LRRC37A3: variants seen among roughly 807,000 people sequenced by gnomAD.
LRRC37A3 encodes the protein leucine rich repeat containing 37 member A3.
A neutral mutation model predicts 106.2 loss-of-function variants in LRRC37A3; 25 were observed. The ratio of observed to expected loss-of-function variants is 0.24; its 90% CI spans 0.17 to 0.33. The LOEUF (loss-of-function observed/expected upper bound fraction) is 0.33, where lower values mean the gene tolerates loss of function less well. Among genes scored for constraint, LRRC37A3 ranks in the 10% least tolerant of loss-of-function variants. The probability of loss-of-function intolerance (pLI) is 1.00; values close to 1 mark genes in which losing one functional copy is unlikely to be tolerated. For synonymous variants in LRRC37A3, 305 were observed against 635.8 expected, an observed-to-expected ratio of 0.48 and a Z score of 7.83; for missense variants, 712 against 1,644.9, an observed-to-expected ratio of 0.43 and a Z score of 9.81.
chr17:64,877,797 G>A (rs748761099), intron 8 of LRRC37A3, among the ~76,000 whole-genome samples: 10 of 152,208 alleles, frequency 6.6e-5, no homozygotes, highest in Non-Finnish European at 1.2e-4. Context: ...ATACTGGAAT[G>A]TGGACAGACA....
chr17:64,875,556 A>G (rs1973482725), intron 8 of LRRC37A3, among the ~76,000 whole-genome samples: 1 of 152,194 alleles, frequency 6.6e-6, no homozygotes, highest in Non-Finnish European at 1.5e-5. Context: ...TGGGAGGCTG[A>G]GGCTGGAGGA....
At chr17:64,883,547 C>G (rs1443853788) in intron 8 of LRRC37A3, among the ~76,000 whole-genome samples, 1 of 151,948 alleles carries the variant, frequency 6.6e-6, no homozygotes, top group Non-Finnish European at 1.5e-5. Context: ...AGGTTAGGCT[C>G]TATTCATCAT....
chr17:64,865,324 T>C (rs1307869638), intron 10 of LRRC37A3, among the ~76,000 whole-genome samples: 2 of 152,128 alleles, frequency 1.3e-5, no homozygotes, highest in South Asian at 4.1e-4. Flanking sequence ...TTGTATATTT[T>C]GTAGAAATGG....
intron 2 of LRRC37A3, among the ~76,000 whole-genome samples, chr17:64,913,422 T>C (rs933377920): frequency 6.7e-6 from 1 of 148,856 alleles, no homozygotes; most frequent in African/African-American, 2.5e-5. Context: ...CTCACTGCAA[T>C]ATCCAACTCC....
chr17:64,912,352 C>T (rs950026092), intron 2 of LRRC37A3, among the ~76,000 whole-genome samples: 1 of 151,140 alleles, frequency 6.6e-6, no homozygotes, highest in East Asian at 1.9e-4. Flanking sequence ...TACACACATA[C>T]ACACACACAT....
chr17:64,916,522 A>C (rs1369714724), intron 2 of LRRC37A3, among the ~76,000 whole-genome samples: 14 of 151,386 alleles, frequency 9.2e-5, no homozygotes, highest in Non-Finnish European at 1.5e-5. Flanking sequence ...CATGCCTGTA[A>C]TCTCAGCACT....
At chr17:64,893,447 G>A (rs1327541043) in intron 4 of LRRC37A3, among the ~76,000 whole-genome samples, 6 of 138,544 alleles carry the variant, frequency 4.3e-5, no homozygotes, top group African/African-American at 1.6e-4. Flanking sequence ...TGCCTAGACT[G>A]TACTCCCATT....
At chr17:64,919,073 G>A (rs1974770886) in intron 1 of LRRC37A3, among the ~76,000 whole-genome samples, 1 of 151,908 alleles carries the variant, frequency 6.6e-6, no homozygotes, top group African/African-American at 2.4e-5. Flanking sequence ...GGCGAGCTCA[G>A]CCGCGTCTTG....
chr17:64,882,826 G>A (rs1360288176), intron 8 of LRRC37A3, among the ~76,000 whole-genome samples: 1 of 151,924 alleles, frequency 6.6e-6, no homozygotes, highest in East Asian at 1.9e-4. Flanking sequence ...ATATCGATGT[G>A]CCATAGACAA....
intron 9 of LRRC37A3, among the ~76,000 whole-genome samples, 192 bp downstream of exon 9, chr17:64,868,903 C>T (rs1973211866): frequency 6.6e-6 from 1 of 152,140 alleles, no homozygotes; most frequent in Non-Finnish European, 1.5e-5. Context: ...CAATGCTGTT[C>T]TCTTCCCCTG....
rs867676074 is a variant in LRRC37A3, at chr17:64,874,505, C to T, written c.2907-5339G>A. Among the ~76,000 whole-genome samples the T allele has an allele frequency of 2.6e-4, 40 of 151,914 alleles. 1 individual carries two copies. The highest frequency in any genetic ancestry group is 1.8e-3 in the Admixed American group (27 of 15,272). The stretch of plus-strand genomic sequence containing the variant: ...GGCCAGCCCCCGCCCGGCCAGCCGC[C>T]CCGTCCGGGAGGTGGGGGGTGCCTC... On this transcript the variant is annotated intron_variant, in intron 8 of 14. Transcript: ENST00000584306.
At chr17:64,882,513 C>T (rs943933200) in intron 8 of LRRC37A3, among the ~76,000 whole-genome samples, 1 of 152,164 alleles carries the variant, frequency 6.6e-6, no homozygotes, top group African/African-American at 2.4e-5. Context: ...TCGAGTTGTT[C>T]TTTTTGTCTT....
chr17:64,913,409 C>T (rs1164376620), intron 2 of LRRC37A3, among the ~76,000 whole-genome samples: 7 of 149,440 alleles, frequency 4.7e-5, no homozygotes, highest in South Asian at 2.1e-4. Flanking sequence ...GGCGTGATCT[C>T]GGCTCACTGC....
At chr17:64,887,578 C>A (rs1437697774) in intron 6 of LRRC37A3, among the ~76,000 whole-genome samples, 1 of 48,696 alleles carries the variant, frequency 2.1e-5, no homozygotes, top group Non-Finnish European at 3.9e-5. Flanking sequence ...TCCTAAGCCA[C>A]TTCAATATCA....
At chr17:64,879,809 A>T (rs1973634995) in intron 8 of LRRC37A3, among the ~76,000 whole-genome samples, 1 of 151,988 alleles carries the variant, frequency 6.6e-6, no homozygotes, top group Admixed American at 6.6e-5. Flanking sequence ...TCAAGCCTGT[A>T]ATCTCAGCAC....
intron 8 of LRRC37A3, among the ~76,000 whole-genome samples, chr17:64,880,766 GTT>G (rs762606857): frequency 6.9e-6 from 1 of 145,718 alleles, no homozygotes; most frequent in African/African-American, 2.5e-5. Context: ...TTTCTTGCCT[GTT>G]TTTTTTTTTC....
At chr17:64,856,486 G>A (rs1022394721) in intron 13 of LRRC37A3, among the ~76,000 whole-genome samples, 1 of 150,638 alleles carries the variant, frequency 6.6e-6, no homozygotes, top group African/African-American at 2.5e-5. Flanking sequence ...CTGGCCCCAT[G>A]TAATTTAAGT....
rs1382215051 is a variant in LRRC37A3 at position 64,854,490 on chromosome 17, C to G, written c.*109G>C. ...ACGATGGCCCTGTGCTTGCTCTGCCCGCTGCCTCTGTGGATGTGTGGGCCG... is the reference window on the plus strand; with the variant it reads ...ACGATGGCCCTGTGCTTGCTCTGCCGGCTGCCTCTGTGGATGTGTGGGCCG... On this transcript the variant is annotated 3_prime_UTR_variant, in exon 15 of 15. Coordinates refer to ENST00000584306, the MANE Select transcript of LRRC37A3 (RefSeq NM_199340.5). 1 of 1,520,330 alleles carries G rather than the reference C, an allele frequency of 6.6e-7. No individual in the cohort carries two copies. Among genetic ancestry groups the G allele is most frequent in the Admixed American group, 1.7e-5 (1 of 57,954 alleles). 94.2% of individuals were successfully genotyped at this position (1,520,330 alleles called of 1,614,324 possible).
chr17:64,860,585 G>A lies in LRRC37A3; in HGVS notation c.3561C>T (p.Ile1187=), dbSNP rs1343941820. The A allele has an allele frequency of 6.2e-7, 1 of 1,613,680 alleles. No individual in the cohort carries two copies. The highest frequency in any genetic ancestry group is 8.5e-7 in the Non-Finnish European group (1 of 1,179,856). The change falls in exon 12 of 15, where the codon ATC becomes ATT. Residue 1187 remains isoleucine, a synonymous_variant. Transcript: ENST00000584306. ...ATGCCTGGGCACCCTGTTCCCTCCT[G>A]ATGCTCTGCCTTCCTACCTCTTTGA... ...RHFKEVGRQS[I]RREQGAQASV...
Sources: gnomAD v4.1 joint callset for allele counts (sites outside exome capture counted in the v4.1 genomes callset) on GRCh38, gnomAD v4.1.1 for gene constraint, MANE v1.5 for transcripts, NCBI Gene and HGNC (gene_info 2026-07-23, HGNC 2026-07-21) for gene names.